MYO1B: variants seen among roughly 807,000 people sequenced by gnomAD.
The protein encoded by MYO1B is myosin IB, also known as unconventional myosin-Ib.
In MYO1B, 72 loss-of-function variants were observed where a neutral mutation model predicts 159.7. The observed-to-expected ratio is 0.45, with a 90% CI of 0.37 to 0.55. The LOEUF is 0.55. MYO1B is among the 20% of genes least tolerant of loss of function. The pLI is 0.00. For synonymous variants in MYO1B, 468 were observed against 473.8 expected (o/e 0.99, Z 0.16); for missense variants, 1,062 against 1,364.8 (o/e 0.78, Z 3.50).
intron 21 of MYO1B, 143 bp from the exon 22 acceptor site, chr2:191,400,239 A>T: frequency 2.4e-6 from 2 of 828,272 alleles, no homozygotes; most frequent in Non-Finnish European, 4.1e-6. Context: ...GTTTGGGGCT[A>T]GTCACCTTCG....
intron 4 of MYO1B, among the ~76,000 whole-genome samples, chr2:191,338,300 A>G (rs1184782261): frequency 2.0e-5 from 3 of 152,232 alleles, no homozygotes; most frequent in African/African-American, 7.2e-5. Context: ...ACAACTTGGA[A>G]ATAAATTATT....
At chr2:191,315,190 TCC>T (rs1690271539) in intron 3 of MYO1B, among the ~76,000 whole-genome samples, 1 of 141,888 alleles carries the variant, frequency 7.0e-6, no homozygotes, top group Non-Finnish European at 1.6e-5. Flanking sequence ...CATCCATCCA[TCC>T]ACCCATCCAT....
intron 2 of MYO1B, among the ~76,000 whole-genome samples, chr2:191,285,071 A>G (rs1317965319): frequency 6.6e-6 from 1 of 152,138 alleles, no homozygotes; most frequent in Non-Finnish European, 1.5e-5. Context: ...ACTACTTTCA[A>G]TTAACCACAG....
intron 4 of MYO1B, among the ~76,000 whole-genome samples, chr2:191,333,474 C>A (rs550300043): frequency 6.6e-6 from 1 of 152,264 alleles, no homozygotes; most frequent in Non-Finnish European, 1.5e-5. Context: ...TTTCCCATAT[C>A]AAATCCCTTT....
intron 4 of MYO1B, among the ~76,000 whole-genome samples, chr2:191,331,585 TC>T (rs1229279736): frequency 6.6e-6 from 1 of 152,266 alleles, no homozygotes; most frequent in African/African-American, 2.4e-5. Context: ...TCAAATTTTC[TC>T]ATTTTATACA....
intron 27 of MYO1B, among the ~76,000 whole-genome samples, chr2:191,412,232 C>G (rs1484934658): frequency 6.6e-6 from 1 of 152,180 alleles, no homozygotes; most frequent in Non-Finnish European, 1.5e-5. Context: ...GAGAATTTGT[C>G]TGTATGCTTG....
intron 2 of MYO1B, among the ~76,000 whole-genome samples, chr2:191,287,975 G>A (rs993184980): frequency 5.3e-5 from 8 of 151,366 alleles, no homozygotes; most frequent in Non-Finnish European, 8.8e-5. Flanking sequence ...TCTTTGGTAT[G>A]TGCTTGGGTA....
At chr2:191,376,672 T>G (rs769203053) in intron 13 of MYO1B, among the ~76,000 whole-genome samples, 1 of 152,180 alleles carries the variant, frequency 6.6e-6, no homozygotes, top group African/African-American at 2.4e-5. Context: ...AACACTAATA[T>G]GTAATTAACA....
intron 2 of MYO1B, among the ~76,000 whole-genome samples, chr2:191,281,638 ATCCGGCCAGACATGTTCTGTTT>A: frequency 6.6e-6 from 1 of 152,158 alleles, no homozygotes; most frequent in Non-Finnish European, 1.5e-5. Flanking sequence ...CAGAGCTGAG[ATCCGGCCAGACATGTTCTGTTT>A]TTAGGGTGAC....
At chr2:191,326,416 T>G (rs913892563) in intron 3 of MYO1B, among the ~76,000 whole-genome samples, 1 of 152,028 alleles carries the variant, frequency 6.6e-6, no homozygotes, top group Non-Finnish European at 1.5e-5. Context: ...AAATTGAAGA[T>G]CTGTGTTTAT....
intron 11 of MYO1B, among the ~76,000 whole-genome samples, chr2:191,365,687 C>T (rs1693963424): frequency 6.6e-6 from 1 of 152,044 alleles, no homozygotes; most frequent in Non-Finnish European, 1.5e-5. Context: ...GGGAAGACCC[C>T]ATGGAAACAA....
At chr2:191,349,084 T>G (rs1176988445) in intron 6 of MYO1B, among the ~76,000 whole-genome samples, 1 of 152,224 alleles carries the variant, frequency 6.6e-6, no homozygotes, top group Non-Finnish European at 1.5e-5. Context: ...GTAGGACATA[T>G]CCTCCTAGAC....
intron 1 of MYO1B, among the ~76,000 whole-genome samples, chr2:191,268,163 G>T (rs1415939072): frequency 6.6e-6 from 1 of 152,218 alleles, no homozygotes; most frequent in African/African-American, 2.4e-5. Flanking sequence ...CATGGACCGG[G>T]TGGCTTAAAG....
chr2:191,332,286 C>G (rs1691539953), intron 4 of MYO1B, among the ~76,000 whole-genome samples: 3 of 152,040 alleles, frequency 2.0e-5, no homozygotes. Flanking sequence ...AATGTGGACT[C>G]TGAGCTTCTA....
intron 13 of MYO1B, among the ~76,000 whole-genome samples, chr2:191,374,030 C>T (rs1200473839): frequency 6.6e-6 from 1 of 151,856 alleles, no homozygotes; most frequent in Non-Finnish European, 1.5e-5. Flanking sequence ...GTACTTTTAC[C>T]TGCTTTTTAA....
chr2:191,275,559 G>A (rs145739700), intron 1 of MYO1B, among the ~76,000 whole-genome samples: 3 of 152,122 alleles, frequency 2.0e-5, no homozygotes, highest in African/African-American at 7.2e-5. Context: ...CTAGAAGTGG[G>A]GGACATTTGT....
At chr2:191,287,882 T>C (rs62179656) in intron 2 of MYO1B, among the ~76,000 whole-genome samples, 1 of 144,016 alleles carries the variant, frequency 6.9e-6, no homozygotes, top group Non-Finnish European at 1.5e-5. Context: ...TTTTTTTTTT[T>C]CCTGGCTTTA....
intron 2 of MYO1B, among the ~76,000 whole-genome samples, chr2:191,281,032 G>A (rs894573697): frequency 3.9e-5 from 6 of 152,188 alleles, no homozygotes; most frequent in Non-Finnish European, 7.3e-5. Flanking sequence ...AAATTTTGCC[G>A]AAATGTTTAC....
At chr2:191,297,851 G>A (rs1689078350) in intron 3 of MYO1B, among the ~76,000 whole-genome samples, 1 of 152,138 alleles carries the variant, frequency 6.6e-6, no homozygotes, top group Non-Finnish European at 1.5e-5. Flanking sequence ...GGGTAGGAGG[G>A]TGCTTGCTGC....
Sources: allele counts gnomAD v4.1 joint callset (sites outside exome capture counted in the v4.1 genomes callset), GRCh38; gene constraint gnomAD v4.1.1; transcripts MANE v1.5; gene names NCBI Gene and HGNC (gene_info 2026-07-23, HGNC 2026-07-21).